Variants in CAMTA1 observed in about 807,000 individuals in gnomAD.
CAMTA1 encodes the protein calmodulin binding transcription activator 1, also known as calmodulin-binding transcription activator 1.
CAMTA1 carries 27 observed loss-of-function variants against 170.9 expected under a neutral mutation model. The observed-to-expected ratio is 0.16, with a 90% CI of 0.12 to 0.22. CAMTA1 has a LOEUF of 0.22. Ranked by LOEUF, CAMTA1 falls within the 10% of genes least tolerant of loss-of-function variation. CAMTA1 has a pLI of 1.00. For synonymous variants in CAMTA1, 833 were observed against 891.5 expected (o/e 0.93, Z 1.17); for missense variants, 1,619 against 2,217.2 (o/e 0.73, Z 5.42).
At chr1:7,410,147 T>G (rs769196165) in intron 5 of CAMTA1, among the ~76,000 whole-genome samples, 2 of 152,194 alleles carry the variant, frequency 1.3e-5, no homozygotes, top group Non-Finnish European at 1.5e-5. Flanking sequence ...GATTTTAAAG[T>G]GAGCTGTAAA....
At chr1:7,104,278 CA>C (rs1181872521) in intron 4 of CAMTA1, among the ~76,000 whole-genome samples, 1 of 58,680 alleles carries the variant, frequency 1.7e-5, no homozygotes, top group Non-Finnish European at 4.2e-5. Context: ...TACATGCACA[CA>C]AAACAAATAT....
chr1:7,329,343 G>A (rs1182436094), intron 5 of CAMTA1, among the ~76,000 whole-genome samples: 2 of 152,130 alleles, frequency 1.3e-5, no homozygotes, highest in Non-Finnish European at 2.9e-5. Flanking sequence ...TTGCAGGTGT[G>A]TTCAAAATTA....
chr1:7,528,842 G>GAATGA (rs1557868756), intron 6 of CAMTA1, among the ~76,000 whole-genome samples: 148 of 103,516 alleles, frequency 1.4e-3, no homozygotes, highest in Middle Eastern at 4.9e-3. Context: ...TGAATGAAGT[G>GAATGA]AGTGAATGAA....
chr1:7,375,989 G>C (rs1019433007), intron 5 of CAMTA1, among the ~76,000 whole-genome samples: 1 of 152,176 alleles, frequency 6.6e-6, no homozygotes, highest in East Asian at 1.9e-4. Flanking sequence ...GGCCTACCAA[G>C]GGGTCTCCCA....
At chr1:7,340,544 G>GCCTCCCTCCCCC (rs772743867) in intron 5 of CAMTA1, among the ~76,000 whole-genome samples, 2 of 105,480 alleles carry the variant, frequency 1.9e-5, no homozygotes, top group African/African-American at 7.9e-5. Context: ...CTGCCTGCCT[G>GCCTCCCTCCCCC]CCTGCCTGCC....
Position 7,590,735 on chromosome 1 carries a change from C to A in CAMTA1, c.511-49665C>A, listed in dbSNP as rs1007058736. Among the ~76,000 whole-genome samples, 3 of 152,156 alleles carry A rather than the reference C, an allele frequency of 2.0e-5. No individual in the cohort carries two copies. In the East Asian group the frequency reaches 5.8e-4, roughly 29 times the overall value. ...GGTCCTGCTTTCAAAAGGACCGGCA[C>A]CTTTGCCCACCCTCAGAGAGACTGG... On this transcript the variant is annotated intron_variant, in intron 6 of 22. Coordinates refer to ENST00000303635, the MANE Select transcript of CAMTA1 (RefSeq NM_015215.4).
chr1:7,598,695 T>A (rs1428395508), intron 6 of CAMTA1, among the ~76,000 whole-genome samples: 1 of 152,266 alleles, frequency 6.6e-6, no homozygotes, highest in African/African-American at 2.4e-5. Context: ...CCAGTGATGA[T>A]GAGCATTTTT....
chr1:7,058,610 T>G (rs572911035), intron 3 of CAMTA1, among the ~76,000 whole-genome samples: 2 of 152,250 alleles, frequency 1.3e-5, no homozygotes, highest in Admixed American at 1.3e-4. Flanking sequence ...GGGGTGCCTC[T>G]GTGGGGTGTT....
chr1:6,850,552 G>A (rs1315691534), intron 3 of CAMTA1, among the ~76,000 whole-genome samples: 1 of 152,172 alleles, frequency 6.6e-6, no homozygotes, highest in Non-Finnish European at 1.5e-5. Context: ...CTTATTTCCT[G>A]CTGAGAGCAA....
intron 5 of CAMTA1, among the ~76,000 whole-genome samples, chr1:7,263,252 T>C (rs1296097148): frequency 6.6e-6 from 1 of 152,186 alleles, no homozygotes; most frequent in Non-Finnish European, 1.5e-5. Flanking sequence ...GAAATGGAAA[T>C]AAATGCACTA....
intron 6 of CAMTA1, among the ~76,000 whole-genome samples, chr1:7,606,688 G>A (rs1397464799): frequency 1.3e-5 from 2 of 152,200 alleles, no homozygotes; most frequent in South Asian, 2.1e-4. Context: ...GCACAAGCGT[G>A]TCCTCCTCTC....
intron 4 of CAMTA1, among the ~76,000 whole-genome samples, chr1:7,213,652 C>T (rs1274093530): frequency 6.6e-6 from 1 of 151,658 alleles, no homozygotes; most frequent in East Asian, 1.9e-4. Context: ...TACATATGCA[C>T]AACGTGCAGG....
chr1:7,668,429 A>AC (rs1287265403), intron 9 of CAMTA1, among the ~76,000 whole-genome samples: 7 of 126,592 alleles, frequency 5.5e-5, no homozygotes, highest in Non-Finnish European at 9.5e-5. Context: ...ACACACACAC[A>AC]CACCCACCAC....
intron 4 of CAMTA1, among the ~76,000 whole-genome samples, chr1:7,197,773 A>C (rs550723679): frequency 3.9e-5 from 6 of 152,158 alleles, no homozygotes; most frequent in Admixed American, 2.6e-4. Flanking sequence ...AAAGACTCCG[A>C]GAGGGTGGAA....
chr1:7,415,540 T>C (rs1162598448), intron 5 of CAMTA1, among the ~76,000 whole-genome samples: 1 of 152,140 alleles, frequency 6.6e-6, no homozygotes, highest in African/African-American at 2.4e-5. Flanking sequence ...TTTTGATCTT[T>C]GTTGGTTTAA....
In CAMTA1 at chr1:7,333,877, ATT is replaced by A. The variant is rs1006358075; in HGVS notation, c.438+84259_438+84260del. On this transcript the variant is annotated intron_variant, in intron 5 of 22. Transcript: ENST00000303635. The surrounding 1 kb of genome is among the most constrained non-coding windows in gnomAD (Gnocchi z 4.4). The stretch of plus-strand genomic sequence containing the variant: ...ATGGGCATTCCAGTGAAATGGAGGA[ATT>A]TTTTTTTATTACTTACATTTATCAA... Among the ~76,000 whole-genome samples, 1 of 151,768 alleles carries A rather than the reference ATT, an allele frequency of 6.6e-6. No homozygotes were observed. Among genetic ancestry groups the A allele is most frequent in the East Asian group, 1.9e-4 (1 of 5,176 alleles).
At chr1:7,089,833 G>A (rs1295872144) in intron 3 of CAMTA1, among the ~76,000 whole-genome samples, 1 of 152,160 alleles carries the variant, frequency 6.6e-6, no homozygotes, top group Non-Finnish European at 1.5e-5. Context: ...TAGTTAGGGA[G>A]GGCCAGCCAG....
intron 6 of CAMTA1, among the ~76,000 whole-genome samples, chr1:7,604,437 C>T (rs2150599863): frequency 6.6e-6 from 1 of 152,286 alleles, no homozygotes; most frequent in Non-Finnish European, 1.5e-5. Context: ...ATTTGATCTT[C>T]CATCACTGAT....
chr1:7,350,345 C>T (rs182655385), intron 5 of CAMTA1, among the ~76,000 whole-genome samples: 22 of 152,300 alleles, frequency 1.4e-4, no homozygotes, highest in East Asian at 1.4e-3. Context: ...CCCCTATACC[C>T]GCCAGGTCCC....
Sources: gnomAD v4.1 joint callset for allele counts (sites outside exome capture counted in the v4.1 genomes callset) on GRCh38, gnomAD v4.1.1 for gene constraint, Gnocchi (gnomAD v3.1) non-coding constraint, MANE v1.5 for transcripts, NCBI Gene and HGNC (gene_info 2026-07-23, HGNC 2026-07-21) for gene names.